DMC1: variants seen among roughly 807,000 people sequenced by gnomAD.
DMC1 encodes the protein meiotic recombination protein DMC1 homolog.
Under a neutral mutation model 50.1 loss-of-function variants are expected in DMC1, and 27 were observed. The ratio of observed to expected loss-of-function variants is 0.54; its 90% CI spans 0.40 to 0.74. DMC1 has a LOEUF of 0.74. Among genes scored for constraint, DMC1 ranks in the 30% least tolerant of loss-of-function variants. DMC1 has a pLI of 0.00. For synonymous variants in DMC1, 148 were observed against 136.1 expected (o/e 1.09, Z -0.61); for missense variants, 295 against 420.2 (o/e 0.70, Z 2.60).
rs773944378 is a variant in DMC1 at position 38,521,650 on chromosome 22, C to A, written c.911G>T (p.Arg304Leu). The stretch of plus-strand genomic sequence containing the variant: ...AATTCTGAGCTCTCCTCTTCCCTTT[C>A]GCAAGCTTATTCTTGTTGTTGAAGC... Reference protein sequence around the residue: ...AHASTTRISLRKGRGELRIAK... With the variant: ...AHASTTRISLLKGRGELRIAK... The change falls in exon 13 of 14, where the codon CGA becomes CTA. Residue 304 changes from arginine to leucine, a missense_variant. By Grantham distance (102) the Arg-to-Leu change is moderately radical (BLOSUM62 -2). Coordinates refer to ENST00000216024, the MANE Select transcript of DMC1 (RefSeq NM_007068.4). 3 of 1,613,846 alleles carry A rather than the reference C, an allele frequency of 1.9e-6. No individual in the cohort carries two copies. The highest frequency in any genetic ancestry group is 1.7e-6 in the Non-Finnish European group (2 of 1,179,920).
chr22:38,525,928 G>A (rs1047251731), intron 12 of DMC1, among the ~76,000 whole-genome samples: 2 of 151,676 alleles, frequency 1.3e-5, no homozygotes, highest in African/African-American at 4.8e-5. Context: ...CAGCCTGGGT[G>A]ACAGAGCAAG....
intron 5 of DMC1, among the ~76,000 whole-genome samples, chr22:38,558,712 C>T (rs1602766054): frequency 1.3e-5 from 2 of 151,926 alleles, no homozygotes; most frequent in East Asian, 3.9e-4. Flanking sequence ...AAGACTCTGT[C>T]TCAAAAGCAA....
intron 3 of DMC1, among the ~76,000 whole-genome samples, 156 bp from the exon 4 acceptor site, chr22:38,566,892 C>T (rs548459629): frequency 6.6e-6 from 1 of 152,312 alleles, no homozygotes; most frequent in African/African-American, 2.4e-5. Context: ...GCCAAATGTT[C>T]TGGAAATATC....
intron 8 of DMC1, among the ~76,000 whole-genome samples, chr22:38,544,136 C>T (rs2090316760): frequency 6.6e-6 from 1 of 152,092 alleles, no homozygotes; most frequent in Non-Finnish European, 1.5e-5. Context: ...TCAAACTACT[C>T]TATAGGAAAA....
chr22:38,540,478 G>A (rs530106791), intron 8 of DMC1, among the ~76,000 whole-genome samples: 16 of 152,132 alleles, frequency 1.1e-4, no homozygotes, highest in Non-Finnish European at 2.2e-4. Flanking sequence ...ATTTTTTTTA[G>A]GTCTTTGGTG....
intron 12 of DMC1, among the ~76,000 whole-genome samples, chr22:38,533,519 T>C (rs191713711): frequency 2.6e-5 from 4 of 152,088 alleles, no homozygotes; most frequent in African/African-American, 9.7e-5. Context: ...TTCATTTCAA[T>C]GTAATTTACA....
rs1310045920 is a variant in DMC1 at position 38,562,341 on chromosome 22, T to C, written c.272A>G (p.Tyr91Cys). The change falls in exon 5 of 14, where the codon TAT (tyrosine) becomes TGT (cysteine). Residue 91 changes from tyrosine to cysteine, a missense_variant. Transcript: ENST00000216024. ...IEPGFLTAFE[Y>C]SEKRKMVFHI... ...GAAAACCATTTTCCTCTTTTCACTATACTCAAATGCAGTCAAGAATCCTGG... is the reference window on the plus strand; with the variant it reads ...GAAAACCATTTTCCTCTTTTCACTACACTCAAATGCAGTCAAGAATCCTGG... 6.2e-7 allele frequency: 1 copy of C among 1,612,360 alleles called. No individual in the cohort carries two copies. Among genetic ancestry groups the C allele is most frequent in the East Asian group, 2.2e-5 (1 of 44,786 alleles).
At chr22:38,529,409 CTCT>C (rs992581626) in intron 12 of DMC1, among the ~76,000 whole-genome samples, 12 of 152,268 alleles carry the variant, frequency 7.9e-5, no homozygotes, top group Middle Eastern at 3.4e-3. Context: ...ATATTTTCTT[CTCT>C]TCTTCTTTTT....
chr22:38,555,393 C>T lies in DMC1; in HGVS notation c.343G>A (p.Gly115Arg), dbSNP rs779454378. Residue 115 changes from glycine (G) to arginine (R), a missense_variant, in exon 6 of 14, where the codon GGA (glycine) becomes AGA (arginine). Physicochemically the swap from Gly to Arg is moderately radical, Grantham distance 125. Transcript: ENST00000216024. ...SQEFDKLLGG[G>R]IESMAITEAF... ...TCTGTAATTGCCATACTTTCAATTC[C>T]ACCTCCTAGTAACTTACTGGAAATA... 1 of 1,607,914 alleles carries T rather than the reference C, an allele frequency of 6.2e-7. No homozygotes were observed. The highest frequency in any genetic ancestry group is 8.5e-7 in the Non-Finnish European group (1 of 1,174,878).
At chr22:38,534,031 T>C (rs1290147315) in intron 12 of DMC1, among the ~76,000 whole-genome samples, 1 of 152,200 alleles carries the variant, frequency 6.6e-6, no homozygotes, top group East Asian at 1.9e-4. Flanking sequence ...TGGTCTGTGT[T>C]CTACAAAAAT....
rs1222679183 is a variant in DMC1 at position 38,536,228 on chromosome 22, A to AC, written c.836+1363_836+1364insG. Among the ~76,000 whole-genome samples, 178 of 151,554 alleles carry AC rather than the reference A, an allele frequency of 1.2e-3. 1 individual carries two copies. Among genetic ancestry groups the AC allele is most frequent in the Middle Eastern group, 3.4e-3 (1 of 294 alleles). On this transcript the variant is annotated intron_variant, in intron 12 of 13. Coordinates refer to ENST00000216024, the MANE Select transcript of DMC1 (RefSeq NM_007068.4). ...GAAACCTTGTCTCTTAAAAAAAAAA[A>AC]ACACACACACACTTTAAAAAAGCAT... is the stretch of plus-strand genomic sequence containing the variant.
At chr22:38,551,948 C>T (rs2090417046) in intron 7 of DMC1, among the ~76,000 whole-genome samples, 2 of 150,896 alleles carry the variant, frequency 1.3e-5, no homozygotes, top group African/African-American at 2.4e-5. Flanking sequence ...GCAAGCTCCG[C>T]CTCCCGGGTT....
chr22:38,563,052 A>C (rs1456168016), intron 4 of DMC1, among the ~76,000 whole-genome samples: 1 of 152,198 alleles, frequency 6.6e-6, no homozygotes, highest in Non-Finnish European at 1.5e-5. Context: ...TACAGGCGTG[A>C]GCCACCGTGC....
intron 5 of DMC1, among the ~76,000 whole-genome samples, chr22:38,559,184 C>T (rs1420736445): frequency 6.6e-6 from 1 of 151,858 alleles, no homozygotes; most frequent in African/African-American, 2.4e-5. Context: ...CACATGCCAC[C>T]ATGCCCGGCT....
At chr22:38,524,890 C>T (rs925213104) in intron 12 of DMC1, among the ~76,000 whole-genome samples, 3 of 152,026 alleles carry the variant, frequency 2.0e-5, no homozygotes, top group East Asian at 3.9e-4. Flanking sequence ...GGAGAAACCC[C>T]GTCTCTACTA....
intron 7 of DMC1, among the ~76,000 whole-genome samples, chr22:38,551,606 A>C (rs2090411978): frequency 6.6e-6 from 1 of 152,164 alleles, no homozygotes. Context: ...CTGGGATTAC[A>C]GGTGTGAGCC....
In DMC1 at chr22:38,521,716, G is replaced by A. The variant is rs995575428; in HGVS notation, c.845C>T (p.Ala282Val). Residue 282 changes from alanine (A) to valine (V), a missense_variant, in exon 13 of 14, where the codon GCA becomes GTA. Physicochemically the swap from Ala to Val is moderately conservative, Grantham distance 64. Transcript: ENST00000216024. ...TCCCCCAATGGGTTTTTTGGGATCT[G>A]CCTGAAAGCTGAATTAATAAAATAC... ...ADPGATMTFQ[A>V]DPKKPIGGHI... 1 of 1,608,870 alleles carries A rather than the reference G, an allele frequency of 6.2e-7. No homozygotes were observed. Among genetic ancestry groups the A allele is most frequent in the Non-Finnish European group, 8.5e-7 (1 of 1,175,368 alleles).
intron 12 of DMC1, among the ~76,000 whole-genome samples, chr22:38,522,934 T>A (rs753236421): frequency 2.0e-5 from 3 of 152,154 alleles, no homozygotes; most frequent in Non-Finnish European, 4.4e-5. Context: ...CCCTGGTTGG[T>A]GCTGAATAGG....
intron 8 of DMC1, chr22:38,545,938 A>G (rs983236343): frequency 6.6e-6 from 1 of 152,354 alleles, no homozygotes; most frequent in Admixed American, 6.5e-5. Flanking sequence ...ATAAAAAGAA[A>G]ACTATCAAGA....
Sources: gnomAD v4.1 joint callset for allele counts (sites outside exome capture counted in the v4.1 genomes callset) on GRCh38, gnomAD v4.1.1 for gene constraint, MANE v1.5 for transcripts, NCBI Gene and HGNC (gene_info 2026-07-23, HGNC 2026-07-21) for gene names.